Variants in F3 observed in about 807,000 individuals in gnomAD.
F3 encodes tissue factor.
In F3, 18 loss-of-function variants were observed where a neutral mutation model predicts 33.5. The ratio of observed to expected loss-of-function variants is 0.54; its 90% CI spans 0.37 to 0.80. The LOEUF (loss-of-function observed/expected upper bound fraction) is 0.80, where lower values mean the gene tolerates loss of function less well. F3 is among the 30% of genes least tolerant of loss of function. F3 has a pLI of 0.00. For missense variants in F3, 353 were observed against 362.1 expected (o/e 0.97, Z 0.20); for synonymous variants, 147 against 140.7 (o/e 1.05, Z -0.32).
In F3 at chr1:94,540,354, C is replaced by G. The variant is rs1188080429; in HGVS notation, c.115G>C (p.Val39Leu). Residue 39 changes from valine (V) to leucine (L), a missense_variant, in exon 2 of 6, where the codon GTG (valine) becomes CTG (leucine). Val to Leu is a conservative substitution (Grantham distance 32, BLOSUM62 1). Coordinates refer to ENST00000334047, the MANE Select transcript of F3 (RefSeq NM_001993.5). ...VAGASGTTNT[V>L]AAYNLTWKST... is the part of the protein sequence containing the mutation. The stretch of plus-strand genomic sequence containing the variant: ...TTCCAAGTTAAATTATATGCTGCCA[C>G]AGTATTTGTAGTGCCTTTAAACAAC... 6.2e-7 allele frequency: 1 copy of G among 1,613,404 alleles called. No homozygotes were observed. Among genetic ancestry groups the G allele is most frequent in the Non-Finnish European group, 8.5e-7 (1 of 1,179,438 alleles).
In F3 at chr1:94,540,277, T is replaced by C; in HGVS notation, c.192A>G (p.Gln64=). 6.2e-7 allele frequency: 1 copy of C among 1,613,060 alleles called. No homozygotes were observed. The highest frequency in any genetic ancestry group is 1.1e-5 in the South Asian group (1 of 91,040). ...ILEWEPKPVN[Q]VYTVQISTKS... is the part of the protein sequence containing the mutation. ...CTTACCTTATTTGAACAGTGTAGAC[T>C]TGATTGACGGGTTTGGGTTCCCACT... The change falls in exon 2 of 6, where the codon CAA becomes CAG. Residue 64 remains glutamine (Q), a synonymous_variant. Coordinates refer to ENST00000334047, the MANE Select transcript of F3 (RefSeq NM_001993.5).
intron 1 of F3, chr1:94,541,195 T>C (rs532734315): frequency 3.5e-4 from 95 of 271,140 alleles, no homozygotes; most frequent in African/African-American, 1.8e-3. Context: ...TCCTATCATA[T>C]TGAAGGTCGC....
chr1:94,540,194 T>G (rs1174852106), intron 2 of F3, 63 bp downstream of exon 2: 19 of 1,016,042 alleles, frequency 1.9e-5, no homozygotes, highest in Non-Finnish European at 2.7e-5. Context: ...AAGACATTCT[T>G]GTTCAGCATA....
chr1:94,536,038 C>T lies in F3; in HGVS notation c.339G>A (p.Gly113=). The T allele has an allele frequency of 6.2e-7, 1 of 1,614,174 alleles. No homozygotes were observed. The highest frequency in any genetic ancestry group is 8.5e-7 in the Non-Finnish European group (1 of 1,180,026). The change falls in exon 3 of 6, where the codon GGG becomes GGA. Residue 113 remains glycine, a synonymous_variant. Coordinates refer to ENST00000334047, the MANE Select transcript of F3 (RefSeq NM_001993.5). ...CAGCAGAACCGGTGCTCTCCACATTCCCTGCCGGGTAGGAGAAGACCCGTG... is the reference window on the plus strand; with the variant it reads ...CAGCAGAACCGGTGCTCTCCACATTTCCTGCCGGGTAGGAGAAGACCCGTG... ...YLARVFSYPA[G]NVESTGSAGE... is the part of the protein sequence containing the mutation.
intron 2 of F3, among the ~76,000 whole-genome samples, chr1:94,538,645 T>C (rs948307345): frequency 4.6e-5 from 7 of 152,338 alleles, no homozygotes; most frequent in African/African-American, 1.7e-4. Context: ...AGACCTGACA[T>C]GGGCACTCAC....
At chr1:94,532,746 G>A (rs928513907) in intron 4 of F3, among the ~76,000 whole-genome samples, 2 of 152,218 alleles carry the variant, frequency 1.3e-5, no homozygotes, top group African/African-American at 4.8e-5. Context: ...GAAAAAGGAA[G>A]GGAGTATTAT....
Position 94,530,560 on chromosome 1 carries a change from A to G in F3, c.788T>C (p.Val263Ala). 1 of 1,614,154 alleles carries G rather than the reference A, an allele frequency of 6.2e-7. No individual in the cohort carries two copies. The highest frequency in any genetic ancestry group is 8.5e-7 in the Non-Finnish European group (1 of 1,180,026). Reference protein sequence around the residue: ...FYIIGAVVFVVIILVIILAIS... With the variant: ...FYIIGAVVFVAIILVIILAIS... ...AGCCAGGATGATGACAAGGATGATGACCACAAATACCACAGCTCCAATGAT... is the reference window on the plus strand; with the variant it reads ...AGCCAGGATGATGACAAGGATGATGGCCACAAATACCACAGCTCCAATGAT... Residue 263 changes from valine (V) to alanine (A), a missense_variant, in exon 6 of 6, where the codon GTC becomes GCC. Val to Ala is a moderately conservative substitution (Grantham distance 64). Transcript: ENST00000334047.
chr1:94,535,102 G>T (rs1388357078), intron 3 of F3, among the ~76,000 whole-genome samples: 1 of 152,058 alleles, frequency 6.6e-6, no homozygotes, highest in Non-Finnish European at 1.5e-5. Flanking sequence ...ATGGTTGGTT[G>T]GTTGTCCGTC....
intron 2 of F3, among the ~76,000 whole-genome samples, chr1:94,537,939 C>T (rs1651661888): frequency 6.6e-6 from 1 of 152,162 alleles, no homozygotes; most frequent in Non-Finnish European, 1.5e-5. Context: ...TCTCCTAGGG[C>T]TTTCTATGTA....
Position 94,533,255 on chromosome 1 carries a change from C to G in F3, c.426G>C (p.Gln142His). Residue 142 changes from glutamine to histidine, a missense_variant, in exon 4 of 6, where the codon CAG becomes CAC. Coordinates refer to ENST00000334047, the MANE Select transcript of F3 (RefSeq NM_001993.5). ...CCTGTTCAAAACTCTGAATTGTTGG[C>G]TGTCCGAGGTTTGCTGAAACAAAGG... ...FTPYLETNLG[Q>H]PTIQSFEQVG... 1 of 1,612,132 alleles carries G rather than the reference C, an allele frequency of 6.2e-7. No individual in the cohort carries two copies. The highest frequency in any genetic ancestry group is 2.2e-5 in the East Asian group (1 of 44,878).
At position 94,540,367 on chromosome 1, in the gene F3, G is replaced by C; in HGVS notation, c.102C>G (p.Gly34=). The change falls in exon 2 of 6, where the codon GGC becomes GGG. Residue 34 remains glycine (G), a splice_region_variant and synonymous_variant. Transcript: ENST00000334047. ...TATATGCTGCCACAGTATTTGTAGTGCCTTTAAACAACAGAGAAACAGCTA... is the reference window on the plus strand; with the variant it reads ...TATATGCTGCCACAGTATTTGTAGTCCCTTTAAACAACAGAGAAACAGCTA... ...WVFAQVAGAS[G]TTNTVAAYNL... 1 of 1,604,664 alleles carries C rather than the reference G, an allele frequency of 6.2e-7. No homozygotes were observed. Among genetic ancestry groups the C allele is most frequent in the Non-Finnish European group, 8.5e-7 (1 of 1,172,194 alleles).
intron 5 of F3, among the ~76,000 whole-genome samples, chr1:94,531,610 C>T (rs763397191): frequency 6.6e-6 from 1 of 152,102 alleles, no homozygotes; most frequent in South Asian, 2.1e-4. Context: ...CGTAAGCCAT[C>T]GTTTATATCC....
At chr1:94,537,253 T>C (rs1651632631) in intron 2 of F3, among the ~76,000 whole-genome samples, 1 of 152,162 alleles carries the variant, frequency 6.6e-6, no homozygotes, top group Non-Finnish European at 1.5e-5. Context: ...AAATAATAAA[T>C]AGGTGAAGCG....
intron 2 of F3, 108 bp from the exon 3 acceptor site, chr1:94,536,272 A>G (rs1481642529): frequency 3.2e-6 from 3 of 949,158 alleles, no homozygotes. Flanking sequence ...CAGGAGCCCT[A>G]CAATCAATCC....
chr1:94,534,533 T>G (rs1027268985), intron 3 of F3, among the ~76,000 whole-genome samples: 14 of 152,196 alleles, frequency 9.2e-5, no homozygotes, highest in Non-Finnish European at 4.4e-5. Flanking sequence ...TAGCCATATT[T>G]CAAGTGGTCA....
At chr1:94,538,031 T>C (rs780111814) in intron 2 of F3, among the ~76,000 whole-genome samples, 6 of 152,216 alleles carry the variant, frequency 3.9e-5, no homozygotes, top group Non-Finnish European at 8.8e-5. Context: ...CAAGGATTTA[T>C]ACAGTACCCT....
intron 5 of F3, 143 bp from the exon 6 acceptor site, chr1:94,530,739 T>A: frequency 1.1e-6 from 1 of 947,762 alleles, no homozygotes; most frequent in African/African-American, 1.7e-5. Flanking sequence ...ACACTTACAT[T>A]AGGAAAGAAT....
At chr1:94,535,610 G>GAT (rs760762194) in intron 3 of F3, among the ~76,000 whole-genome samples, 1 of 151,866 alleles carries the variant, frequency 6.6e-6, no homozygotes, top group Non-Finnish European at 1.5e-5. Flanking sequence ...CAGGATACAT[G>GAT]ATATATATAT....
In F3 at chr1:94,541,532, C is replaced by T; in HGVS notation, c.100+5G>A. 2 of 1,487,986 alleles carry T rather than the reference C, an allele frequency of 1.3e-6. No homozygotes were observed. The highest frequency in any genetic ancestry group is 2.6e-5 in the South Asian group (2 of 78,374). The allele number at this position is 1,487,986 out of a possible 1,614,324, so 92.2% of individuals were successfully genotyped here. On this transcript the variant is annotated splice_donor_5th_base_variant and intron_variant, in intron 1 of 5. Transcript: ENST00000334047. ...CCCGGGCTTCCAGGGGCTGGTGCCACTCACCTGAAGCGCCGGCCACCTGGG... is the reference window on the plus strand; with the variant it reads ...CCCGGGCTTCCAGGGGCTGGTGCCATTCACCTGAAGCGCCGGCCACCTGGG...
Sources: allele counts gnomAD v4.1 joint callset (sites outside exome capture counted in the v4.1 genomes callset), GRCh38; gene constraint gnomAD v4.1.1; transcripts MANE v1.5; gene names NCBI Gene and HGNC (gene_info 2026-07-23, HGNC 2026-07-21).